The following CASR variants were observed in gnomAD, a reference collection of about 807,000 sequenced individuals.
CASR encodes calcium sensing receptor.
In CASR, 23 loss-of-function variants were observed where a neutral mutation model predicts 69.1. The observed-to-expected ratio is 0.33, with a 90% CI of 0.24 to 0.47. The LOEUF is 0.47. Among genes scored for constraint, CASR ranks in the 20% least tolerant of loss-of-function variants. CASR has a pLI of 1.00. For synonymous variants in CASR, 541 were observed against 544.7 expected, an observed-to-expected ratio of 0.99 and a Z score of 0.10; for missense variants, 924 against 1,356.1, an observed-to-expected ratio of 0.68 and a Z score of 5.00.
intron 1 of CASR, among the ~76,000 whole-genome samples, chr3:122,215,253 C>A (rs147760609): frequency 2.0e-5 from 3 of 152,198 alleles, no homozygotes; most frequent in Non-Finnish European, 2.9e-5. Context: ...GGTATGTGCA[C>A]GACCAAATGA....
chr3:122,273,284 G>A (rs981521767), intron 4 of CASR, among the ~76,000 whole-genome samples: 9 of 152,158 alleles, frequency 5.9e-5, no homozygotes, highest in Non-Finnish European at 8.8e-5. Context: ...TGTTTAACCC[G>A]TAGCTCCAGC....
At chr3:122,213,850 T>C (rs1329837797) in intron 1 of CASR, among the ~76,000 whole-genome samples, 2 of 152,216 alleles carry the variant, frequency 1.3e-5, no homozygotes, top group Non-Finnish European at 2.9e-5. Flanking sequence ...GGCTCCTGAC[T>C]ATTGCAGCTG....
chr3:122,193,580 T>G (rs1228786133), intron 1 of CASR, among the ~76,000 whole-genome samples: 1 of 152,216 alleles, frequency 6.6e-6, no homozygotes, highest in Non-Finnish European at 1.5e-5. Context: ...AAATTATTTA[T>G]CAGTTTCTGA....
At chr3:122,227,430 C>T (rs113071991) in intron 1 of CASR, among the ~76,000 whole-genome samples, 24,843 of 152,182 alleles carry the variant, frequency 0.16, 2,094 homozygotes, top group Non-Finnish European at 0.18. Flanking sequence ...GGTGCTAAGC[C>T]CCTCACTGCC....
intron 5 of CASR, among the ~76,000 whole-genome samples, chr3:122,278,017 C>A (rs2074843196): frequency 6.6e-6 from 1 of 152,154 alleles, no homozygotes; most frequent in South Asian, 2.1e-4. Context: ...ATCTTAGGAT[C>A]TACTCTATTA....
At chr3:122,201,385 C>T (rs1189812196) in intron 1 of CASR, among the ~76,000 whole-genome samples, 1 of 152,252 alleles carries the variant, frequency 6.6e-6, no homozygotes, top group Non-Finnish European at 1.5e-5. Flanking sequence ...AATGAAAAGT[C>T]TCCCATGTCT....
chr3:122,212,356 G>A (rs1458125327), intron 1 of CASR, among the ~76,000 whole-genome samples: 2 of 152,076 alleles, frequency 1.3e-5, no homozygotes, highest in Admixed American at 6.5e-5. Context: ...GGAGCTGAAC[G>A]ATGAGAACAC....
chr3:122,284,371 T>G lies in CASR; in HGVS notation c.2417T>G (p.Phe806Cys), dbSNP rs104893693. 2 of 1,614,132 alleles carry G rather than the reference T, an allele frequency of 1.2e-6. No individual in the cohort carries two copies. Among genetic ancestry groups the G allele is most frequent in the Non-Finnish European group, 8.5e-7 (1 of 1,180,026 alleles). Residue 806 changes from phenylalanine to cysteine, a missense_variant, in exon 7 of 7, where the codon TTC becomes TGC. Transcript: ENST00000639785. ...KLPENFNEAK[F>C]ITFSMLIFFI... ...CCGGAGAACTTCAATGAAGCCAAGT[T>G]CATCACCTTCAGCATGCTCATCTTC...
intron 4 of CASR, among the ~76,000 whole-genome samples, chr3:122,274,392 C>T (rs1006597906): frequency 3.3e-5 from 5 of 152,206 alleles, no homozygotes; most frequent in Non-Finnish European, 7.3e-5. Flanking sequence ...AAATGTTTGT[C>T]TAAAAATAAA....
At chr3:122,274,306 C>A (rs781016848) in intron 4 of CASR, among the ~76,000 whole-genome samples, 4 of 152,238 alleles carry the variant, frequency 2.6e-5, no homozygotes, top group Non-Finnish European at 4.4e-5. Context: ...GACTCTGCCC[C>A]CAAGCATGTC....
chr3:122,271,040 T>A (rs1207228113), intron 4 of CASR, among the ~76,000 whole-genome samples: 1 of 152,198 alleles, frequency 6.6e-6, no homozygotes. Flanking sequence ...CTTTTAAGTC[T>A]TTTATATTTG....
At chr3:122,212,821 T>C (rs146339772) in intron 1 of CASR, among the ~76,000 whole-genome samples, 1 of 152,268 alleles carries the variant, frequency 6.6e-6, no homozygotes, top group East Asian at 1.9e-4. Flanking sequence ...TTTGTATTTT[T>C]AGTAGAGACG....
intron 1 of CASR, among the ~76,000 whole-genome samples, chr3:122,208,671 C>G (rs1449335372): frequency 6.6e-6 from 1 of 152,124 alleles, no homozygotes; most frequent in Non-Finnish European, 1.5e-5. Context: ...TGAATTTTAT[C>G]AATTTTATCT....
At chr3:122,251,001 G>C (rs567791628) in intron 1 of CASR, among the ~76,000 whole-genome samples, 27 of 152,130 alleles carry the variant, frequency 1.8e-4, no homozygotes, top group South Asian at 8.3e-4. Flanking sequence ...ATATGACCAG[G>C]GTCCAAGGAA....
chr3:122,236,008 C>T (rs913588898), intron 1 of CASR, among the ~76,000 whole-genome samples: 1 of 152,170 alleles, frequency 6.6e-6, no homozygotes, highest in African/African-American at 2.4e-5. Context: ...CTAACAAGTT[C>T]CCAAGTGATG....
At position 122,204,444 on chromosome 3, in the gene CASR, C is replaced by T. The variant is rs536223643; in HGVS notation, c.-243+20632C>T. 1.7e-3 allele frequency among the ~76,000 whole-genome samples: 265 copies of T among 152,154 alleles called. 1 individual carries two copies. The highest frequency in any genetic ancestry group is 3.9e-3 in the African/African-American group (164 of 41,540). ...TTTATGGTTGAATAATATTCCATTG[C>T]GGACAGGCCCCATATTTTCTTAATT... On this transcript the variant is annotated intron_variant, in intron 1 of 6. Coordinates refer to ENST00000639785, the MANE Select transcript of CASR (RefSeq NM_000388.4).
At chr3:122,279,662 C>G (rs1360393167) in intron 5 of CASR, among the ~76,000 whole-genome samples, 2 of 152,168 alleles carry the variant, frequency 1.3e-5, no homozygotes, top group Non-Finnish European at 2.9e-5. Context: ...TTTAACACCT[C>G]TCAGGTTAAA....
chr3:122,252,357 A>AGG, intron 1 of CASR, among the ~76,000 whole-genome samples: 6 of 63,774 alleles, frequency 9.4e-5, no homozygotes, highest in African/African-American at 4.1e-4. Flanking sequence ...GAAAGAAAGA[A>AGG]AGAAAGAAGG....
At chr3:122,253,224 A>G (rs746913142) in intron 1 of CASR, among the ~76,000 whole-genome samples, 2 of 152,214 alleles carry the variant, frequency 1.3e-5, no homozygotes, top group African/African-American at 2.4e-5. Context: ...TTAAGCTTAA[A>G]TATGACTCAT....
Sources: gnomAD v4.1 joint callset for allele counts (sites outside exome capture counted in the v4.1 genomes callset) on GRCh38, gnomAD v4.1.1 for gene constraint, MANE v1.5 for transcripts, NCBI Gene and HGNC (gene_info 2026-07-23, HGNC 2026-07-21) for gene names.